ANKAR: variants seen among roughly 807,000 people sequenced by gnomAD.
The protein encoded by ANKAR is ankyrin and armadillo repeat-containing protein.
A neutral mutation model predicts 146.2 loss-of-function variants in ANKAR; 136 were observed. That is an observed-to-expected ratio of 0.93 (90% CI 0.81 to 1.07). The LOEUF is 1.07. ANKAR is among the 50% of genes least tolerant of loss of function. ANKAR has a pLI of 0.00. For missense variants in ANKAR, 1,567 were observed against 1,679.9 expected (o/e 0.93, Z 1.18); for synonymous variants, 500 against 575.8 (o/e 0.87, Z 1.88).
At chr2:189,734,484 C>G (rs78887890) in intron 17 of ANKAR, among the ~76,000 whole-genome samples, 2 of 152,082 alleles carry the variant, frequency 1.3e-5, no homozygotes, top group Non-Finnish European at 2.9e-5. Flanking sequence ...CACTGGTCCA[C>G]GGGCCACACT....
intron 12 of ANKAR, among the ~76,000 whole-genome samples, chr2:189,724,077 T>C (rs2041603728): frequency 6.6e-6 from 1 of 152,170 alleles, no homozygotes; most frequent in Admixed American, 6.5e-5. Context: ...TAAAAAATTA[T>C]GTAACTCACT....
chr2:189,689,593 C>A lies in ANKAR; in HGVS notation c.668C>A (p.Pro223Gln), dbSNP rs757360175. 13 of 1,612,240 alleles carry A rather than the reference C, an allele frequency of 8.1e-6. No individual in the cohort carries two copies. Among genetic ancestry groups the A allele is most frequent in the Non-Finnish European group, 1.1e-5 (13 of 1,179,292 alleles). The change falls in exon 3 of 23, where the codon CCA becomes CAA. Residue 223 changes from proline to glutamine, a missense_variant. Pro to Gln is a moderately conservative substitution (Grantham distance 76). Transcript: ENST00000684021. ...EIYDEDVNEDPTYDPNSPEET... is the reference protein window; with the variant it reads ...EIYDEDVNEDQTYDPNSPEET... ...TATGATGAAGACGTGAATGAAGATC[C>A]AACATATGATCCCAACAGCCCTGAA...
At position 189,677,107 on chromosome 2, in the gene ANKAR, A is replaced by T; in HGVS notation, c.601+16A>T. 2.8e-6 allele frequency: 4 copies of T among 1,452,214 alleles called. No homozygotes were observed. The highest frequency in any genetic ancestry group is 1.8e-6 in the Non-Finnish European group (2 of 1,112,266). The allele number at this position is 1,452,214 out of a possible 1,614,324, so 90.0% of individuals were successfully genotyped here. The stretch of plus-strand genomic sequence containing the variant: ...AGTTCAGCAGGTAAGAGAATTTAAC[A>T]CTTCTTAAATTTTTTTTTTTTTTTT... On this transcript the variant is annotated intron_variant, in intron 2 of 22. Transcript: ENST00000684021.
intron 16 of ANKAR, 149 bp from the exon 17 acceptor site, chr2:189,732,958 G>A (rs887154404): frequency 3.6e-5 from 26 of 721,452 alleles, no homozygotes; most frequent in East Asian, 2.9e-4. Flanking sequence ...CAGTTCTTTC[G>A]CTAGTAAGAT....
chr2:189,689,299 G>C (rs1310322821), intron 2 of ANKAR, among the ~76,000 whole-genome samples: 1 of 152,146 alleles, frequency 6.6e-6, no homozygotes, highest in Non-Finnish European at 1.5e-5. Flanking sequence ...TCATGGCCAA[G>C]AACTTAGTTT....
chr2:189,741,415 A>G lies in ANKAR; in HGVS notation c.3774A>G (p.Gln1258=), dbSNP rs766520261. Residue 1258 remains glutamine (Q), a synonymous_variant, in exon 20 of 23, where the codon CAA becomes CAG. Coordinates refer to ENST00000684021, the MANE Select transcript of ANKAR (RefSeq NM_001378068.1). ...PEAFTTLGTI[Q]RLCYHLYSGI... Reference sequence around the variant, plus strand: ...CATTTACCACATTAGGAACAATCCAACGGCTCTGCTATCATTTGTACTCGG... The same window carrying G: ...CATTTACCACATTAGGAACAATCCAGCGGCTCTGCTATCATTTGTACTCGG... 2.5e-6 allele frequency: 4 copies of G among 1,611,908 alleles called. No individual in the cohort carries two copies. The highest frequency in any genetic ancestry group is 3.4e-6 in the Non-Finnish European group (4 of 1,178,922).
chr2:189,755,232 A>G, intron 18 of ANKAR: 1 of 1,612,348 alleles, frequency 6.2e-7, no homozygotes, highest in Non-Finnish European at 8.5e-7. Context: ...AGAAAATCTG[A>G]AACTCCTTGA....
At chr2:189,713,238 G>A (rs10207346) in intron 10 of ANKAR, among the ~76,000 whole-genome samples, 92,409 of 152,040 alleles carry the variant, frequency 0.61, 30,851 homozygotes, top group South Asian at 0.76. Context: ...AGCAAGGAAG[G>A]CCAACATTCA....
downstream of ANKAR, chr2:189,746,866 TG>T (rs1249281351): frequency 8.9e-6 from 3 of 338,384 alleles, no homozygotes; most frequent in African/African-American, 6.5e-5. Context: ...TAAAATTTAT[TG>T]ACTGACATGA....
In ANKAR at chr2:189,728,030, A is replaced by T. The variant is rs746058223; in HGVS notation, c.2810A>T (p.His937Leu). 8 of 1,614,088 alleles carry T rather than the reference A, an allele frequency of 5.0e-6. No individual in the cohort carries two copies. The East Asian group carries it at 1.3e-4, about 27-fold the overall frequency. ...GAMAVESLAS[H>L]NALIQKAFLE... ...ATGGCTGTGGAATCACTGGCAAGTC[A>T]CAACGCTCTTATACAGAAAGCATTT... The change falls in exon 13 of 23, where the codon CAC becomes CTC. Residue 937 changes from histidine to leucine, a missense_variant. By Grantham distance (99) the His-to-Leu change is moderately conservative. Coordinates refer to ENST00000684021, the MANE Select transcript of ANKAR (RefSeq NM_001378068.1).
intron 18 of ANKAR, chr2:189,754,355 A>G (rs1217909609): frequency 6.3e-7 from 1 of 1,585,352 alleles, no homozygotes; most frequent in Admixed American, 1.8e-5. Flanking sequence ...CCTATCAAAG[A>G]AACATATTTT....
At chr2:189,690,774 C>T (rs901863525) in intron 3 of ANKAR, among the ~76,000 whole-genome samples, 1 of 152,084 alleles carries the variant, frequency 6.6e-6, no homozygotes, top group Non-Finnish European at 1.5e-5. Flanking sequence ...CAGGGCATGG[C>T]TCTTGGGTGG....
chr2:189,720,509 G>A, intron 11 of ANKAR, 110 bp from the exon 12 acceptor site: 4 of 639,386 alleles, frequency 6.3e-6, no homozygotes, highest in Non-Finnish European at 8.9e-6. Context: ...GCCTCCCAAA[G>A]TGCTGGGATT....
intron 16 of ANKAR, 106 bp from the exon 17 acceptor site, chr2:189,733,001 T>C: frequency 8.9e-7 from 1 of 1,119,504 alleles, no homozygotes; most frequent in Non-Finnish European, 1.2e-6. Context: ...TTTAGCAGAT[T>C]TTATAGTATC....
In ANKAR at chr2:189,691,346, G is replaced by A. The variant is rs778687537; in HGVS notation, c.1040-909G>A. 4.6e-5 allele frequency among the ~76,000 whole-genome samples: 7 copies of A among 152,164 alleles called. No individual in the cohort carries two copies. The South Asian group carries it at 6.2e-4, about 14-fold the overall frequency. On this transcript the variant is annotated intron_variant, in intron 3 of 22. Coordinates refer to ENST00000684021, the MANE Select transcript of ANKAR (RefSeq NM_001378068.1). ...GCTGGGATTACAGGCATGAGCCGCC[G>A]CGCCCGGGAGAGAAAATTATTTTTA... is the stretch of plus-strand genomic sequence containing the variant.
chr2:189,748,734 T>C (rs892148925), downstream of ANKAR, among the ~76,000 whole-genome samples: 2 of 152,154 alleles, frequency 1.3e-5, no homozygotes, highest in Non-Finnish European at 2.9e-5. Context: ...AATGGAAATA[T>C]TAAGTTTCTG....
At chr2:189,754,520 T>C (rs2045775051) in intron 18 of ANKAR, 3 of 591,968 alleles carry the variant, frequency 5.1e-6, no homozygotes, top group Middle Eastern at 4.5e-4. Flanking sequence ...GACAACCCTG[T>C]TCCTTATGAT....
intron 17 of ANKAR, among the ~76,000 whole-genome samples, chr2:189,736,844 G>A (rs1007361837): frequency 3.3e-5 from 5 of 151,872 alleles, no homozygotes; most frequent in African/African-American, 7.3e-5. Context: ...AGGCCAAGGC[G>A]AGCAGACACC....
At chr2:189,679,983 A>ATTCCCTCTTTATC (rs2034399979) in intron 2 of ANKAR, among the ~76,000 whole-genome samples, 3 of 152,242 alleles carry the variant, frequency 2.0e-5, no homozygotes, top group Admixed American at 2.0e-4. Context: ...TGTAGGGAGA[A>ATTCCCTCTTTATC]TTCCCTCTTT....
Sources: gnomAD v4.1 joint callset for allele counts (sites outside exome capture counted in the v4.1 genomes callset) on GRCh38, gnomAD v4.1.1 for gene constraint, MANE v1.5 for transcripts, NCBI Gene and HGNC (gene_info 2026-07-23, HGNC 2026-07-21) for gene names.